The following FTO variants were observed in gnomAD, a reference collection of about 807,000 sequenced individuals.
FTO encodes FTO alpha-ketoglutarate dependent dioxygenase.
In FTO, 47 loss-of-function variants were observed where a neutral mutation model predicts 63.9. That is an observed-to-expected ratio of 0.74 (90% CI 0.58 to 0.94). The LOEUF (loss-of-function observed/expected upper bound fraction) is 0.94, where lower values mean the gene tolerates loss of function less well. Among genes scored for constraint, FTO ranks in the 40% least tolerant of loss-of-function variants. The pLI, the probability that FTO is intolerant of heterozygous loss-of-function variation, is 0.00. For synonymous variants in FTO, 207 were observed against 224.4 expected, an observed-to-expected ratio of 0.92 and a Z score of 0.69; for missense variants, 562 against 618.1, an observed-to-expected ratio of 0.91 and a Z score of 0.96.
At chr16:54,016,468 A>G (rs2084452422) in intron 8 of FTO, among the ~76,000 whole-genome samples, 1 of 152,012 alleles carries the variant, frequency 6.6e-6, no homozygotes, top group Non-Finnish European at 1.5e-5. Flanking sequence ...GGGACATTCT[A>G]TTTTGCAGTC....
In FTO at chr16:53,780,856, A is replaced by C. The variant is rs76327508; in HGVS notation, c.46-29284A>C. ...AATGGAAATATTATTATATCCCTCC[A>C]TTGTAAGAATTGAATAAGGTAGTAC... is the stretch of plus-strand genomic sequence containing the variant. On this transcript the variant is annotated intron_variant, in intron 1 of 8. Transcript: ENST00000471389. 7.0e-3 allele frequency among the ~76,000 whole-genome samples: 1,063 copies of C among 152,264 alleles called. 16 individuals are homozygous for C. Among genetic ancestry groups the C allele is most frequent in the African/African-American group, 0.024 (1,000 of 41,542 alleles).
intron 5 of FTO, among the ~76,000 whole-genome samples, chr16:53,879,086 T>C (rs937939125): frequency 6.6e-6 from 1 of 152,224 alleles, no homozygotes. Context: ...TTCCTATCTT[T>C]AGTCTCAGGG....
intron 1 of FTO, among the ~76,000 whole-genome samples, chr16:53,789,261 C>T (rs2151681580): frequency 6.6e-6 from 1 of 152,258 alleles, no homozygotes; most frequent in South Asian, 2.1e-4. Context: ...AGGATATAGG[C>T]AAAGAGCAGT....
chr16:53,870,902 T>C (rs2080473809), intron 4 of FTO, among the ~76,000 whole-genome samples: 1 of 152,206 alleles, frequency 6.6e-6, no homozygotes, highest in Admixed American at 6.5e-5. Context: ...GAAAAGTCTT[T>C]ATTTCACTTT....
intron 6 of FTO, chr16:53,887,855 G>T (rs1002136104): frequency 6.6e-6 from 1 of 151,990 alleles, no homozygotes; most frequent in African/African-American, 2.4e-5. Flanking sequence ...TTTAATGTAT[G>T]CCTCCATAAT....
chr16:53,954,914 C>T (rs1327603038), intron 8 of FTO, among the ~76,000 whole-genome samples: 1 of 151,926 alleles, frequency 6.6e-6, no homozygotes, highest in African/African-American at 2.4e-5. Context: ...ATGGGACTGG[C>T]AAAAGAAGAG....
At chr16:54,081,473 G>A (rs2086139554) in intron 8 of FTO, among the ~76,000 whole-genome samples, 1 of 152,176 alleles carries the variant, frequency 6.6e-6, no homozygotes, top group Admixed American at 6.5e-5. Flanking sequence ...TTGAGTGGCT[G>A]TGTGGCCCCA....
chr16:53,820,356 A>G (rs147978510), intron 2 of FTO, among the ~76,000 whole-genome samples: 1 of 152,274 alleles, frequency 6.6e-6, no homozygotes, highest in Non-Finnish European at 1.5e-5. Flanking sequence ...AGGACAGATT[A>G]TTAAACTAAT....
intron 8 of FTO, among the ~76,000 whole-genome samples, chr16:54,029,977 T>C (rs1272968029): frequency 2.0e-5 from 3 of 152,340 alleles, no homozygotes; most frequent in Middle Eastern, 3.4e-3. Flanking sequence ...CGTAAATCTA[T>C]ATAATTCAAC....
intron 3 of FTO, among the ~76,000 whole-genome samples, chr16:53,832,357 A>T (rs1390712459): frequency 6.6e-6 from 1 of 152,210 alleles, no homozygotes; most frequent in African/African-American, 2.4e-5. Flanking sequence ...CATACCCATT[A>T]TTCCAGAAGT....
At chr16:53,854,969 T>A (rs1334215634) in intron 4 of FTO, among the ~76,000 whole-genome samples, 1 of 152,160 alleles carries the variant, frequency 6.6e-6, no homozygotes, top group African/African-American at 2.4e-5. Flanking sequence ...CATCAGTGTT[T>A]TATAGTTCTC....
chr16:53,902,291 G>T (rs569987754), intron 7 of FTO, among the ~76,000 whole-genome samples: 1 of 152,236 alleles, frequency 6.6e-6, no homozygotes, highest in South Asian at 2.1e-4. Context: ...ATGTTGGAAG[G>T]GACCTGAGAG....
At chr16:53,909,048 A>AT (rs1414116937) in intron 7 of FTO, among the ~76,000 whole-genome samples, 1 of 151,992 alleles carries the variant, frequency 6.6e-6, no homozygotes, top group Non-Finnish European at 1.5e-5. Flanking sequence ...TGAGCATCCC[A>AT]TATCCCTCTT....
intron 8 of FTO, among the ~76,000 whole-genome samples, chr16:54,048,930 G>A (rs1328250848): frequency 6.6e-6 from 1 of 152,146 alleles, no homozygotes; most frequent in Non-Finnish European, 1.5e-5. Context: ...AATGTGCACT[G>A]ATGACAAACT....
At chr16:54,006,660 TTA>T (rs1567512291) in intron 8 of FTO, among the ~76,000 whole-genome samples, 1 of 152,224 alleles carries the variant, frequency 6.6e-6, no homozygotes, top group East Asian at 1.9e-4. Flanking sequence ...GACAAAACTC[TTA>T]TGCCACTAGT....
At chr16:53,974,488 C>T (rs2083393418) in intron 8 of FTO, among the ~76,000 whole-genome samples, 1 of 152,136 alleles carries the variant, frequency 6.6e-6, no homozygotes, top group African/African-American at 2.4e-5. Flanking sequence ...GCAAACCTTT[C>T]ACTATCCTTA....
intron 8 of FTO, chr16:53,999,710 A>G (rs1452550959): frequency 1.3e-5 from 2 of 152,200 alleles, no homozygotes; most frequent in Non-Finnish European, 2.9e-5. Flanking sequence ...TCTAATAGAG[A>G]TTGTACCATT....
At chr16:53,856,368 TGGGGGG>T (rs146333826) in intron 4 of FTO, among the ~76,000 whole-genome samples, 1 of 150,124 alleles carries the variant, frequency 6.7e-6, no homozygotes, top group Non-Finnish European at 1.5e-5. Context: ...TTTTTTTTTT[TGGGGGG>T]GGATATTTAT....
intron 8 of FTO, among the ~76,000 whole-genome samples, chr16:54,021,198 T>C (rs1407676777): frequency 6.6e-6 from 1 of 152,070 alleles, no homozygotes; most frequent in African/African-American, 2.4e-5. Flanking sequence ...CTTTCTATTC[T>C]TCTACCATCC....
Sources: gnomAD v4.1 joint callset for allele counts (sites outside exome capture counted in the v4.1 genomes callset) on GRCh38, gnomAD v4.1.1 for gene constraint, MANE v1.5 for transcripts, NCBI Gene and HGNC (gene_info 2026-07-23, HGNC 2026-07-21) for gene names.